Variants in MMAA observed in about 807,000 individuals in gnomAD.
MMAA encodes the protein metabolism of cobalamin associated A, also known as methylmalonic aciduria type A protein, mitochondrial.
In MMAA, 41 loss-of-function variants were observed where a neutral mutation model predicts 45.0. The observed-to-expected ratio is 0.91, with a 90% CI of 0.71 to 1.18. The LOEUF is 1.18. Ranked by LOEUF, MMAA falls within the 50% of genes most tolerant of loss-of-function variation. MMAA has a pLI of 0.00. For synonymous variants in MMAA, 154 were observed against 178.2 expected (o/e 0.86, Z 1.08); for missense variants, 460 against 495.7 (o/e 0.93, Z 0.68).
intron 1 of MMAA, among the ~76,000 whole-genome samples, chr4:145,638,521 G>A (rs144589342): frequency 5.1e-4 from 78 of 152,300 alleles, no homozygotes; most frequent in African/African-American, 1.9e-3. Flanking sequence ...TTCACTTATG[G>A]CTTGTTTGTG....
In MMAA at chr4:145,656,769, C is replaced by T. The variant is rs1728245113; in HGVS notation, c.*1335C>T. 1 of 152,118 alleles carries T rather than the reference C, an allele frequency of 6.6e-6. No individual in the cohort carries two copies. The highest frequency in any genetic ancestry group is 1.5e-5 in the Non-Finnish European group (1 of 68,014). The allele number at this position is 152,118 out of a possible 1,614,324, so 9.4% of individuals were successfully genotyped here. Reference sequence around the variant, plus strand: ...AGTTTCTAACATATTCTATTCTGAACCCTGTAGAATATTTTATGTAGTATA... The same window carrying T: ...AGTTTCTAACATATTCTATTCTGAATCCTGTAGAATATTTTATGTAGTATA... On this transcript the variant is annotated 3_prime_UTR_variant, in exon 7 of 7. Coordinates refer to ENST00000649156, the MANE Select transcript of MMAA (RefSeq NM_172250.3).
chr4:145,622,686 T>C (rs1431750287), intron 1 of MMAA, among the ~76,000 whole-genome samples: 1 of 152,242 alleles, frequency 6.6e-6, no homozygotes, highest in Non-Finnish European at 1.5e-5. Flanking sequence ...TAGTGATTAA[T>C]GTAAACTATA....
Position 145,655,667 on chromosome 4 carries a change from C to A in MMAA, c.*233C>A. The A allele has an allele frequency of 2.3e-6, 1 of 429,320 alleles. No individual in the cohort carries two copies. 26.6% of individuals were successfully genotyped at this position (429,320 alleles called of 1,614,324 possible). On this transcript the variant is annotated 3_prime_UTR_variant, in exon 7 of 7. Transcript: ENST00000649156. Reference sequence around the variant, plus strand: ...ATCTGTTTCCTTCTCTTCTTATACCCTGGCATGGTGGCCTGTAGGGTAGTT... The same window carrying A: ...ATCTGTTTCCTTCTCTTCTTATACCATGGCATGGTGGCCTGTAGGGTAGTT...
chr4:145,625,762 G>T, intron 1 of MMAA: 1 of 1,281,964 alleles, frequency 7.8e-7, no homozygotes, highest in Non-Finnish European at 1.1e-6. Context: ...AACCAGTAGA[G>T]CTGCTGAGCC....
At chr4:145,645,260 C>T (rs1228395850) in intron 3 of MMAA, among the ~76,000 whole-genome samples, 1 of 152,198 alleles carries the variant, frequency 6.6e-6, no homozygotes, top group East Asian at 1.9e-4. Context: ...CTCCAGGATG[C>T]TGGCATACAT....
chr4:145,632,562 C>G (rs992669574), intron 1 of MMAA, among the ~76,000 whole-genome samples: 2 of 152,176 alleles, frequency 1.3e-5, no homozygotes, highest in Non-Finnish European at 2.9e-5. Context: ...GGGAAGTTCT[C>G]TGTTATCCCT....
rs1396929766 is a variant in MMAA, at chr4:145,642,480, G to C, written c.557G>C (p.Ser186Thr). 2.5e-6 allele frequency: 4 copies of C among 1,614,010 alleles called. No homozygotes were observed. In the African/African-American group the frequency reaches 4.0e-5, roughly 16 times the overall value. ...VLAVDPSSCT[S>T]GGSLLGDKTR... ...GCTGTGGACCCTTCTTCTTGTACTA[G>C]TGGTGGTAAGTATGGCTGATTCTTT... The change falls in exon 3 of 7, where the codon AGT (serine) becomes ACT (threonine). Residue 186 changes from serine to threonine, a missense_variant. Coordinates refer to ENST00000649156, the MANE Select transcript of MMAA (RefSeq NM_172250.3).
At position 145,628,476 on chromosome 4, in the gene MMAA, G is replaced by A. The variant is rs945436894; in HGVS notation, c.-66+9069G>A. On this transcript the variant is annotated intron_variant, in intron 1 of 6. Transcript: ENST00000649156. ...AGGTTGTCCTCATTCCTTGGTTCAT[G>A]GCCCTTTTACTTCATCTTCAAAGAC... Among the ~76,000 whole-genome samples, 126 of 152,096 alleles carry A rather than the reference G, an allele frequency of 8.3e-4. 1 individual carries two copies. Among genetic ancestry groups the A allele is most frequent in the Non-Finnish European group, 1.2e-3 (81 of 68,020 alleles).
chr4:145,655,545 C>A lies in MMAA; in HGVS notation c.*111C>A. ...AATTATTGTATGGTGCTCTTGTCTT[C>A]TTTGTTTGTGACCCATGCTTGAAAA... is the stretch of plus-strand genomic sequence containing the variant. On this transcript the variant is annotated 3_prime_UTR_variant, in exon 7 of 7. Coordinates refer to ENST00000649156, the MANE Select transcript of MMAA (RefSeq NM_172250.3). The A allele has an allele frequency of 9.3e-7, 1 of 1,080,796 alleles. No individual in the cohort carries two copies. Among genetic ancestry groups the A allele is most frequent in the South Asian group, 1.7e-5 (1 of 57,422 alleles). 67.0% of individuals were successfully genotyped at this position (1,080,796 alleles called of 1,614,324 possible).
At chr4:145,628,135 T>C (rs1734242250) in intron 1 of MMAA, among the ~76,000 whole-genome samples, 3 of 152,240 alleles carry the variant, frequency 2.0e-5, no homozygotes, top group Admixed American at 2.0e-4. Context: ...AGTTACAGGT[T>C]ATGGCAAAGA....
At chr4:145,620,786 A>G (rs575860520) in intron 1 of MMAA, among the ~76,000 whole-genome samples, 21 of 152,078 alleles carry the variant, frequency 1.4e-4, no homozygotes, top group Middle Eastern at 6.8e-3. Flanking sequence ...TAAGCTGGGT[A>G]GTATAGGAGA....
At chr4:145,619,909 A>T (rs1734057003) in intron 1 of MMAA, among the ~76,000 whole-genome samples, 1 of 152,212 alleles carries the variant, frequency 6.6e-6, no homozygotes, top group Non-Finnish European at 1.5e-5. Context: ...AGGTTCCGTC[A>T]CATGGCGTGC....
chr4:145,626,362 GTTAA>G (rs925846630), intron 1 of MMAA, among the ~76,000 whole-genome samples: 2 of 152,152 alleles, frequency 1.3e-5, no homozygotes, highest in Non-Finnish European at 2.9e-5. Context: ...TTAAAATCTG[GTTAA>G]TTAGATAAAT....
At chr4:145,632,399 G>C (rs1469371538) in intron 1 of MMAA, among the ~76,000 whole-genome samples, 1 of 152,090 alleles carries the variant, frequency 6.6e-6, no homozygotes, top group Non-Finnish European at 1.5e-5. Context: ...TATGTTGTTT[G>C]TTTCTTTTTC....
chr4:145,656,237 T>C lies in MMAA; in HGVS notation c.*803T>C, dbSNP rs913003808. On this transcript the variant is annotated 3_prime_UTR_variant, in exon 7 of 7. Transcript: ENST00000649156. ...TTCTTCCTTGGCCATTTCACTTCAT[T>C]TTAGTATTTTAAAAATCTTTTTTCT... 2 of 152,202 alleles carry C rather than the reference T, an allele frequency of 1.3e-5. No individual in the cohort carries two copies. Among genetic ancestry groups the C allele is most frequent in the Non-Finnish European group, 2.9e-5 (2 of 68,040 alleles). 9.4% of individuals were successfully genotyped at this position (152,202 alleles called of 1,614,324 possible). A position where few individuals can be genotyped will look rare whatever the true frequency, so the allele number is the denominator to read the frequency against.
chr4:145,635,043 C>T (rs1013314614), intron 1 of MMAA, among the ~76,000 whole-genome samples: 3 of 152,060 alleles, frequency 2.0e-5, no homozygotes, highest in Non-Finnish European at 4.4e-5. Context: ...GCCAACACTC[C>T]TTTTGCTGCT....
chr4:145,633,196 C>CTTTTTTTT lies in MMAA; in HGVS notation c.-65-5865_-65-5858dup, dbSNP rs941603291. ...CTTGTGGTATCTTGAATTTCTTTTTCTTTTTTTTTTTTTTTTTTTTTGAGA... is the reference window on the plus strand; with the variant it reads ...CTTGTGGTATCTTGAATTTCTTTTTCTTTTTTTTTTTTTTTTTTTTTTTTTTTTTGAGA... On this transcript the variant is annotated intron_variant, in intron 1 of 6. Transcript: ENST00000649156. Among the ~76,000 whole-genome samples, 130 of 88,420 alleles carry CTTTTTTTT rather than the reference C, an allele frequency of 1.5e-3. 1 individual carries two copies. The highest frequency in any genetic ancestry group is 4.6e-3 in the African/African-American group (92 of 20,110). The allele number at this position is 88,420 out of a possible 152,430, so 58.0% of individuals were successfully genotyped here.
rs1167278084 is a variant in MMAA at position 145,626,033 on chromosome 4, C to T, written c.-66+6626C>T. ...TGCCACTCTGGTCTTGGAAGGTATT[C>T]ATTCTGCTCACAGCTCCAGGTCCCA... On this transcript the variant is annotated intron_variant, in intron 1 of 6. Transcript: ENST00000649156. The T allele has an allele frequency of 6.9e-6, 9 of 1,297,256 alleles. No homozygotes were observed. The African/African-American group carries it at 7.4e-5, about 11-fold the overall frequency. 80.4% of individuals were successfully genotyped at this position (1,297,256 alleles called of 1,614,324 possible).
At chr4:145,654,725 C>G (rs1728180807) in intron 6 of MMAA, among the ~76,000 whole-genome samples, 1 of 152,160 alleles carries the variant, frequency 6.6e-6, no homozygotes. Flanking sequence ...AGATACCCAG[C>G]TCTTCCACTT....
Sources: gnomAD v4.1 joint callset for allele counts (sites outside exome capture counted in the v4.1 genomes callset) on GRCh38, gnomAD v4.1.1 for gene constraint, MANE v1.5 for transcripts, NCBI Gene and HGNC (gene_info 2026-07-23, HGNC 2026-07-21) for gene names.